WSCD2: variants seen among roughly 807,000 people sequenced by gnomAD.
WSCD2 encodes the protein sialate:O-sulfotransferase 2.
A neutral mutation model predicts 55.7 loss-of-function variants in WSCD2; 28 were observed. The observed-to-expected ratio is 0.50, with a 90% CI of 0.37 to 0.69. The LOEUF is 0.69. WSCD2 is among the 30% of genes least tolerant of loss of function. The probability of loss-of-function intolerance (pLI) is 0.00; values close to 1 mark genes in which losing one functional copy is unlikely to be tolerated. For synonymous variants in WSCD2, 301 were observed against 301.9 expected (o/e 1.00, Z 0.03); for missense variants, 616 against 762.1 (o/e 0.81, Z 2.26).
intron 1 of WSCD2, chr12:108,189,555 C>T (rs1014959726): frequency 1.3e-5 from 2 of 152,172 alleles, no homozygotes; most frequent in African/African-American, 4.8e-5. Context: ...GCACATATGG[C>T]ATCTGTTACA....
intron 8 of WSCD2, among the ~76,000 whole-genome samples, chr12:108,242,829 C>A (rs1272263217): frequency 6.6e-6 from 1 of 152,190 alleles, no homozygotes; most frequent in Non-Finnish European, 1.5e-5. Flanking sequence ...GAGCTCTAAA[C>A]CAATACTAAG....
intron 1 of WSCD2, chr12:108,189,451 C>T (rs894387660): frequency 1.3e-5 from 2 of 152,174 alleles, no homozygotes; most frequent in Non-Finnish European, 2.9e-5. Context: ...GCATGTCTTG[C>T]CTGCCAACCA....
intron 1 of WSCD2, among the ~76,000 whole-genome samples, chr12:108,153,623 A>C (rs1410368218): frequency 6.6e-6 from 1 of 152,208 alleles, no homozygotes; most frequent in Non-Finnish European, 1.5e-5. Flanking sequence ...AAAGTGCAGA[A>C]ACCTAGAAAA....
chr12:108,133,374 C>T (rs56252877), intron 1 of WSCD2, among the ~76,000 whole-genome samples: 3,234 of 151,952 alleles, frequency 0.021, 56 homozygotes, highest in Middle Eastern at 0.082. Flanking sequence ...CATCTCTGGG[C>T]GTACATGTGT....
At chr12:108,173,808 C>CTGTGTGTGTGTGTG (rs1300986533) in intron 1 of WSCD2, among the ~76,000 whole-genome samples, 9 of 100,906 alleles carry the variant, frequency 8.9e-5, no homozygotes, top group African/African-American at 3.2e-4. Flanking sequence ...ATTCCTGGCT[C>CTGTGTGTGTGTGTG]TCTGTGTGTG....
At chr12:108,141,421 A>C (rs1247666180) in intron 1 of WSCD2, among the ~76,000 whole-genome samples, 1 of 152,098 alleles carries the variant, frequency 6.6e-6, no homozygotes, top group African/African-American at 2.4e-5. Context: ...CAAATTTACT[A>C]TCTGCCAGTT....
intron 6 of WSCD2, among the ~76,000 whole-genome samples, chr12:108,228,887 T>G (rs1343374036): frequency 6.6e-6 from 1 of 152,218 alleles, no homozygotes; most frequent in East Asian, 1.9e-4. Context: ...TGGGTTTTTG[T>G]TAGCTTTCGG....
rs1875294267 is a variant in WSCD2, at chr12:108,129,815, G to C, written c.-663G>C. On this transcript the variant is annotated 5_prime_UTR_variant, in exon 1 of 9. Coordinates refer to ENST00000547525, the MANE Select transcript of WSCD2 (RefSeq NM_014653.4). ...TCCTTAAAGCCACTGCAGCAGCTGG[G>C]AAGGCGCCCACAGAGCGGGCGCGCC... 6.6e-6 allele frequency: 1 copy of C among 152,246 alleles called. No homozygotes were observed. Among genetic ancestry groups the C allele is most frequent in the Non-Finnish European group, 1.5e-5 (1 of 68,064 alleles). 9.4% of individuals were successfully genotyped at this position (152,246 alleles called of 1,614,324 possible). A position where few individuals can be genotyped will look rare whatever the true frequency, so the allele number is the denominator to read the frequency against.
At position 108,248,240 on chromosome 12, in the gene WSCD2, C is replaced by T. The variant is rs1217246718; in HGVS notation, c.1595C>T (p.Thr532Ile). 6.2e-7 allele frequency: 1 copy of T among 1,614,220 alleles called. No individual in the cohort carries two copies. Among genetic ancestry groups the T allele is most frequent in the Non-Finnish European group, 8.5e-7 (1 of 1,180,056 alleles). Reference protein sequence around the residue: ...GLRKLEYDPYTADMQKTISAY... With the variant: ...GLRKLEYDPYIADMQKTISAY... ...CGGAAGCTCGAGTATGACCCCTATA[C>T]TGCGGACATGCAGAAGACCATCTCT... The change falls in exon 9 of 9, where the codon ACT becomes ATT. Residue 532 changes from threonine to isoleucine, a missense_variant. By Grantham distance (89) the Thr-to-Ile change is moderately conservative. Coordinates refer to ENST00000547525, the MANE Select transcript of WSCD2 (RefSeq NM_014653.4). The surrounding 1 kb of genome is among the most constrained non-coding windows in gnomAD (Gnocchi z 4.3).
chr12:108,196,701 C>T (rs971268789), intron 2 of WSCD2, among the ~76,000 whole-genome samples: 49 of 152,338 alleles, frequency 3.2e-4, no homozygotes, highest in African/African-American at 1.2e-3. Context: ...AGTGGCAGAG[C>T]TTCTGCTCCA....
At chr12:108,229,972 G>T (rs188726302) in intron 6 of WSCD2, among the ~76,000 whole-genome samples, 1 of 151,814 alleles carries the variant, frequency 6.6e-6, no homozygotes, top group Non-Finnish European at 1.5e-5. Flanking sequence ...AACTTTTGCT[G>T]TATTTACTTT....
At chr12:108,151,975 C>T (rs572544645) in intron 1 of WSCD2, among the ~76,000 whole-genome samples, 49 of 152,328 alleles carry the variant, frequency 3.2e-4, no homozygotes, top group African/African-American at 9.4e-4. Context: ...AATGGCTCTG[C>T]GATAGGAGGG....
intron 1 of WSCD2, among the ~76,000 whole-genome samples, chr12:108,141,970 T>A (rs1876869965): frequency 6.6e-6 from 1 of 152,104 alleles, no homozygotes. Flanking sequence ...GAGAACAGGG[T>A]GATTTCAGCT....
chr12:108,136,754 C>G (rs1002920762), intron 1 of WSCD2, among the ~76,000 whole-genome samples: 13 of 150,516 alleles, frequency 8.6e-5, no homozygotes, highest in Non-Finnish European at 1.8e-4. Flanking sequence ...CCGCTGCCTC[C>G]CCGCTCTGTC....
rs141368036 is a variant in WSCD2, at chr12:108,178,109, G to A, written c.-551-17173G>A. The stretch of plus-strand genomic sequence containing the variant: ...AACAACTAAAATTTATTATCTCACA[G>A]TTCTGGAAGCTGGAAGTCCAAAATT... On this transcript the variant is annotated intron_variant, in intron 1 of 8. Transcript: ENST00000547525. Among the ~76,000 whole-genome samples, 913 of 152,254 alleles carry A rather than the reference G, an allele frequency of 6.0e-3. 3 individuals are homozygous for A. The highest frequency in any genetic ancestry group is 9.6e-3 in the Non-Finnish European group (654 of 68,012).
chr12:108,229,783 T>G (rs564793633), intron 6 of WSCD2, among the ~76,000 whole-genome samples: 2 of 152,214 alleles, frequency 1.3e-5, no homozygotes, highest in East Asian at 1.9e-4. Context: ...CAGGAAATAT[T>G]TGAATAGAGA....
chr12:108,142,873 G>A (rs1481253696), intron 1 of WSCD2, among the ~76,000 whole-genome samples: 1 of 151,972 alleles, frequency 6.6e-6, no homozygotes, highest in Non-Finnish European at 1.5e-5. Context: ...GAGTGCAGTG[G>A]TGCTGTCAAA....
rs773339984 is a variant in WSCD2, at chr12:108,210,110, G to A, written c.498-11G>A. ...GTGGCAGCTACCCTGCTTGACAGCA[G>A]CCTCCCCCAGGGGTTACCTGTATGG... On this transcript the variant is annotated splice_polypyrimidine_tract_variant and intron_variant, in intron 3 of 8. Coordinates refer to ENST00000547525, the MANE Select transcript of WSCD2 (RefSeq NM_014653.4). The surrounding 1 kb of genome is among the most constrained non-coding windows in gnomAD (Gnocchi z 4.3). 1.9e-6 allele frequency: 3 copies of A among 1,614,048 alleles called. No individual in the cohort carries two copies. The highest frequency in any genetic ancestry group is 1.7e-5 in the Admixed American group (1 of 60,014).
At chr12:108,215,749 C>T (rs1374707088) in intron 4 of WSCD2, among the ~76,000 whole-genome samples, 1 of 152,184 alleles carries the variant, frequency 6.6e-6, no homozygotes, top group African/African-American at 2.4e-5. Flanking sequence ...CCAAGGAGAA[C>T]TCTTCCACGG....
Sources: gnomAD v4.1 joint callset for allele counts (sites outside exome capture counted in the v4.1 genomes callset) on GRCh38, gnomAD v4.1.1 for gene constraint, Gnocchi (gnomAD v3.1) non-coding constraint, MANE v1.5 for transcripts, NCBI Gene and HGNC (gene_info 2026-07-23, HGNC 2026-07-21) for gene names.